The following GALNT3 variants were observed in gnomAD, a reference collection of about 807,000 sequenced individuals.
GALNT3 encodes GalNAc transferase 3.
Under a neutral mutation model 69.8 loss-of-function variants are expected in GALNT3, and 51 were observed. The observed-to-expected ratio is 0.73, with a 90% confidence interval of 0.58 to 0.92. The LOEUF (loss-of-function observed/expected upper bound fraction) is 0.92, where lower values mean the gene tolerates loss of function less well. Ranked by LOEUF, GALNT3 falls within the 40% of genes least tolerant of loss-of-function variation. GALNT3 has a pLI of 0.00. For synonymous variants in GALNT3, 265 were observed against 248.5 expected, an observed-to-expected ratio of 1.07 and a Z score of -0.63; for missense variants, 711 against 760.0, an observed-to-expected ratio of 0.94 and a Z score of 0.76.
chr2:165,758,672 T>C (rs1573998970), intron 6 of GALNT3, 75 bp downstream of exon 6: 2 of 960,712 alleles, frequency 2.1e-6, no homozygotes, highest in East Asian at 2.4e-5. Context: ...TCTGTAATCA[T>C]ATGTACCAGC....
intron 1 of GALNT3, among the ~76,000 whole-genome samples, chr2:165,783,558 T>G (rs1683157158): frequency 6.6e-6 from 1 of 152,324 alleles, no homozygotes; most frequent in South Asian, 2.1e-4. Context: ...GTCAACAAAC[T>G]TTTTATAAAG....
chr2:165,759,294 G>T, intron 5 of GALNT3, 42 bp downstream of exon 5: 1 of 1,460,580 alleles, frequency 6.8e-7, no homozygotes, highest in Non-Finnish European at 9.5e-7. Flanking sequence ...TCAATGTATG[G>T]TATAGGGTGT....
intron 1 of GALNT3, chr2:165,771,220 T>C (rs1688747261): frequency 6.6e-6 from 1 of 152,222 alleles, no homozygotes; most frequent in Non-Finnish European, 1.5e-5. Flanking sequence ...ATAAGTACTA[T>C]TAGGCATCCA....
chr2:165,760,874 ACT>A (rs756219406), intron 4 of GALNT3, among the ~76,000 whole-genome samples: 1 of 152,116 alleles, frequency 6.6e-6, no homozygotes, highest in Non-Finnish European at 1.5e-5. Context: ...TGACACATTG[ACT>A]CTAAAAATGC....
chr2:165,765,614 G>A (rs761938326), intron 2 of GALNT3, among the ~76,000 whole-genome samples: 32 of 151,496 alleles, frequency 2.1e-4, no homozygotes, highest in East Asian at 5.9e-4. Context: ...CTCAGCTCCC[G>A]AGTAGCTGGG....
At chr2:165,772,896 A>G (rs1175589277) in intron 1 of GALNT3, among the ~76,000 whole-genome samples, 8 of 152,172 alleles carry the variant, frequency 5.3e-5, no homozygotes, top group Admixed American at 5.2e-4. Context: ...GGAAATTACC[A>G]ATTTTTTCCA....
intron 2 of GALNT3, among the ~76,000 whole-genome samples, chr2:165,765,294 T>A (rs2105413744): frequency 6.6e-6 from 1 of 152,304 alleles, no homozygotes; most frequent in African/African-American, 2.4e-5. Flanking sequence ...TATCAAGGAT[T>A]ACAACATGTT....
rs1272046691 is a variant in GALNT3 at position 165,770,673 on chromosome 2, A to C, written c.28T>G (p.Leu10Val). MAHLKRLVK[L>V]HIKRHYHKKF... ...TTATGGTAATGTCTTTTAATGTGTA[A>C]TTTTACTAGTCGCTTTAGGTGAGCC... Residue 10 changes from leucine (L) to valine (V), a missense_variant, in exon 2 of 11, where the codon TTA (leucine) becomes GTA (valine). Coordinates refer to ENST00000392701, the MANE Select transcript of GALNT3 (RefSeq NM_004482.4). 1 of 1,605,214 alleles carries C rather than the reference A, an allele frequency of 6.2e-7. No homozygotes were observed. Among genetic ancestry groups the C allele is most frequent in the African/African-American group, 1.3e-5 (1 of 74,718 alleles).
At chr2:165,784,208 G>A (rs1683173991) in intron 1 of GALNT3, among the ~76,000 whole-genome samples, 1 of 152,144 alleles carries the variant, frequency 6.6e-6, no homozygotes, top group East Asian at 1.9e-4. Context: ...GGAGGGTGGG[G>A]TGCTTAATTC....
chr2:165,766,984 A>G (rs1046733305), intron 2 of GALNT3, among the ~76,000 whole-genome samples: 7 of 152,188 alleles, frequency 4.6e-5, no homozygotes, highest in African/African-American at 1.7e-4. Context: ...CAGTTTCTTC[A>G]TGATTTCAAA....
At chr2:165,761,156 G>A (rs1688538701) in intron 4 of GALNT3, among the ~76,000 whole-genome samples, 1 of 151,186 alleles carries the variant, frequency 6.6e-6, no homozygotes, top group Admixed American at 6.6e-5. Flanking sequence ...TATAAAAAAA[G>A]CAGCAGTACT....
chr2:165,751,622 G>T (rs1461814233), intron 9 of GALNT3, among the ~76,000 whole-genome samples: 2 of 152,164 alleles, frequency 1.3e-5, no homozygotes, highest in Admixed American at 1.3e-4. Flanking sequence ...GGATAACTGT[G>T]AATGTTGGAG....
intron 2 of GALNT3, among the ~76,000 whole-genome samples, 192 bp from the exon 3 acceptor site, chr2:165,765,248 A>G (rs1688617896): frequency 6.6e-6 from 1 of 152,170 alleles, no homozygotes; most frequent in Admixed American, 6.5e-5. Context: ...CAAATCACTC[A>G]CCCAGAGATG....
chr2:165,756,218 C>T (rs1036958599), intron 7 of GALNT3, among the ~76,000 whole-genome samples: 1 of 152,148 alleles, frequency 6.6e-6, no homozygotes, highest in Non-Finnish European at 1.5e-5. Flanking sequence ...CTCCACCTTC[C>T]CTCACCCTGC....
At chr2:165,777,732 A>T (rs1471984993) in intron 1 of GALNT3, among the ~76,000 whole-genome samples, 1 of 152,240 alleles carries the variant, frequency 6.6e-6, no homozygotes, top group African/African-American at 2.4e-5. Context: ...CTGCATGAAG[A>T]CAGCCACATT....
intron 1 of GALNT3, among the ~76,000 whole-genome samples, chr2:165,776,539 AAAAAAAAAG>A (rs562544020): frequency 2.4e-3 from 365 of 149,656 alleles, no homozygotes; most frequent in African/African-American, 8.5e-3. Context: ...TTTAAAAACT[AAAAAAAAAG>A]AAAAAAAAGA....
intron 2 of GALNT3, among the ~76,000 whole-genome samples, chr2:165,766,890 T>C (rs1437232854): frequency 6.6e-6 from 1 of 152,034 alleles, no homozygotes; most frequent in Non-Finnish European, 1.5e-5. Flanking sequence ...AGGAGTTGGA[T>C]TGGGGTAAAA....
At chr2:165,762,842 G>A (rs539195274) in intron 3 of GALNT3, among the ~76,000 whole-genome samples, 2 of 152,230 alleles carry the variant, frequency 1.3e-5, no homozygotes, top group South Asian at 2.1e-4. Flanking sequence ...GTCGCCCAGG[G>A]TGGAGTGCAG....
At chr2:165,768,515 T>C (rs1011161962) in intron 2 of GALNT3, among the ~76,000 whole-genome samples, 1 of 152,240 alleles carries the variant, frequency 6.6e-6, no homozygotes, top group Non-Finnish European at 1.5e-5. Context: ...TTTATAGATA[T>C]TAGTTTCTTT....
Sources: allele counts gnomAD v4.1 joint callset (sites outside exome capture counted in the v4.1 genomes callset), GRCh38; gene constraint gnomAD v4.1.1; transcripts MANE v1.5; gene names NCBI Gene and HGNC (gene_info 2026-07-23, HGNC 2026-07-21).